Variants in MAD1L1 observed in about 807,000 individuals in gnomAD.
MAD1L1 encodes mitotic arrest deficient 1 like 1, also known as mitotic spindle assembly checkpoint protein MAD1.
A neutral mutation model predicts 96.9 loss-of-function variants in MAD1L1; 95 were observed. The observed-to-expected ratio is 0.98, with a 90% CI of 0.83 to 1.16. MAD1L1 has a LOEUF of 1.16. Among genes scored for constraint, MAD1L1 ranks in the 50% most tolerant of loss-of-function variants. The pLI is 0.00. For missense variants in MAD1L1, 1,007 were observed against 954.4 expected (o/e 1.06, Z -0.73); for synonymous variants, 473 against 396.6 (o/e 1.19, Z -2.29).
At chr7:1,922,973 G>A (rs765540828) in intron 17 of MAD1L1, among the ~76,000 whole-genome samples, 5 of 152,178 alleles carry the variant, frequency 3.3e-5, no homozygotes, top group Non-Finnish European at 7.3e-5. Flanking sequence ...AAATAGCCCC[G>A]CAGTGTTCTT....
intron 11 of MAD1L1, among the ~76,000 whole-genome samples, chr7:2,138,316 G>A (rs1014508177): frequency 6.6e-5 from 10 of 152,210 alleles, no homozygotes; most frequent in African/African-American, 1.9e-4. Flanking sequence ...TCCTGGCTGC[G>A]GCAGCGCTCA....
chr7:2,092,217 A>G (rs1002686317), intron 11 of MAD1L1, among the ~76,000 whole-genome samples: 1 of 152,276 alleles, frequency 6.6e-6, no homozygotes, highest in East Asian at 1.9e-4. Context: ...TGGTTGTACT[A>G]ATTTGCAATC....
chr7:1,919,584 CCAATGGGCTCAGGCCA>C (rs1252395187), intron 17 of MAD1L1, among the ~76,000 whole-genome samples: 1 of 152,252 alleles, frequency 6.6e-6, no homozygotes, highest in Admixed American at 6.5e-5. Flanking sequence ...GGCCCAGAGG[CCAATGGGCTCAGGCCA>C]CAGCCGCCAT....
chr7:1,841,831 C>T (rs997484431), intron 18 of MAD1L1, among the ~76,000 whole-genome samples: 3 of 152,352 alleles, frequency 2.0e-5, no homozygotes, highest in South Asian at 2.1e-4. Flanking sequence ...GCGGGTGCCT[C>T]GCTTCTGCCC....
At chr7:2,045,791 T>C (rs918525593) in intron 12 of MAD1L1, among the ~76,000 whole-genome samples, 7 of 152,160 alleles carry the variant, frequency 4.6e-5, no homozygotes, top group Admixed American at 3.9e-4. Context: ...GAGCCCAGCC[T>C]CAGCCAGACA....
At chr7:1,914,049 C>T (rs558041030) in intron 17 of MAD1L1, among the ~76,000 whole-genome samples, 16 of 152,314 alleles carry the variant, frequency 1.1e-4, no homozygotes, top group African/African-American at 3.8e-4. Context: ...TCCACCTCTC[C>T]TCTCCTGCAA....
chr7:1,944,643 G>C (rs1331128828), intron 16 of MAD1L1, among the ~76,000 whole-genome samples: 1 of 152,162 alleles, frequency 6.6e-6, no homozygotes, highest in African/African-American at 2.4e-5. Context: ...TGAGGCTGAA[G>C]GGGATCCCTG....
At position 1,980,369 on chromosome 7, in the gene MAD1L1, C is replaced by T. The variant is rs148765929; in HGVS notation, c.1505+84G>A. 105 of 1,131,258 alleles carry T rather than the reference C, an allele frequency of 9.3e-5. 3 individuals carry two copies. The African/African-American group carries it at 1.2e-3, about 13-fold the overall frequency. The allele number at this position is 1,131,258 out of a possible 1,614,324, so 70.1% of individuals were successfully genotyped here. Reference sequence around the variant, plus strand: ...ACACACCTGGGCGTATCTGCCTCCTCCCCCGCAGGACACACCTGGGCGTAT... The same window carrying T: ...ACACACCTGGGCGTATCTGCCTCCTTCCCCGCAGGACACACCTGGGCGTAT... On this transcript the variant is annotated intron_variant, in intron 15 of 18. Transcript: ENST00000265854.
At chr7:2,010,735 C>T (rs1467212270) in intron 13 of MAD1L1, among the ~76,000 whole-genome samples, 2 of 152,228 alleles carry the variant, frequency 1.3e-5, no homozygotes, top group African/African-American at 2.4e-5. Flanking sequence ...ACTCTCAGAG[C>T]GATGCTGCAT....
rs577462655 is a variant in MAD1L1, at chr7:2,048,074, C to T, written c.1218+21120G>A. Among the ~76,000 whole-genome samples the T allele has an allele frequency of 7.6e-4, 115 of 152,256 alleles. 1 individual carries two copies. Among genetic ancestry groups the T allele is most frequent in the African/African-American group, 2.6e-3 (107 of 41,534 alleles). On this transcript the variant is annotated intron_variant, in intron 12 of 18. Coordinates refer to ENST00000265854, the MANE Select transcript of MAD1L1 (RefSeq NM_001013836.2). ...AGCACTCAACACAGATATGCACACACGTCTCCTACACAGAGCTCATGCAGC... is the reference window on the plus strand; with the variant it reads ...AGCACTCAACACAGATATGCACACATGTCTCCTACACAGAGCTCATGCAGC...
intron 11 of MAD1L1, among the ~76,000 whole-genome samples, chr7:2,137,086 G>C (rs1788788226): frequency 6.6e-6 from 1 of 152,154 alleles, no homozygotes; most frequent in Non-Finnish European, 1.5e-5. Context: ...CTCCGCTGTG[G>C]GGTGTGGGCT....
At chr7:1,975,294 C>T (rs901930895) in intron 15 of MAD1L1, among the ~76,000 whole-genome samples, 2 of 152,356 alleles carry the variant, frequency 1.3e-5, no homozygotes, top group South Asian at 2.1e-4. Flanking sequence ...CCACCTGGGA[C>T]CATAGCATCT....
chr7:2,161,913 C>T (rs1365049893), intron 10 of MAD1L1, among the ~76,000 whole-genome samples: 6 of 147,742 alleles, frequency 4.1e-5, no homozygotes, highest in Admixed American at 3.3e-4. Flanking sequence ...CGCCCGCCAG[C>T]CAGCCCGTCC....
intron 11 of MAD1L1, among the ~76,000 whole-genome samples, chr7:2,138,148 C>A (rs17132239): frequency 0.097 from 14,784 of 152,290 alleles, 1,450 homozygotes; most frequent in African/African-American, 0.25. Context: ...CCTGAGACTG[C>A]TGTTACAAAG....
intron 13 of MAD1L1, among the ~76,000 whole-genome samples, chr7:2,006,574 C>A (rs1782038826): frequency 6.6e-6 from 1 of 151,350 alleles, no homozygotes; most frequent in African/African-American, 2.4e-5. Context: ...CATCACTAAA[C>A]CCGCACGGCC....
intron 12 of MAD1L1, among the ~76,000 whole-genome samples, chr7:2,054,635 C>A (rs1022234474): frequency 6.6e-6 from 1 of 152,194 alleles, no homozygotes; most frequent in African/African-American, 2.4e-5. Flanking sequence ...TATATTAACA[C>A]CTGGAAATTA....
At chr7:2,034,725 T>C (rs530708393) in intron 12 of MAD1L1, among the ~76,000 whole-genome samples, 2 of 152,336 alleles carry the variant, frequency 1.3e-5, no homozygotes, top group African/African-American at 4.8e-5. Context: ...GAGTGCTTAC[T>C]GGTTGGCTGA....
At chr7:2,108,180 G>A (rs898086395) in intron 11 of MAD1L1, among the ~76,000 whole-genome samples, 3 of 152,182 alleles carry the variant, frequency 2.0e-5, no homozygotes, top group South Asian at 2.1e-4. Context: ...AATGAATTCC[G>A]GTGGGATTCA....
chr7:1,898,159 G>C (rs200770561), intron 18 of MAD1L1, 41 bp downstream of exon 18: 1 of 1,557,788 alleles, frequency 6.4e-7, no homozygotes, highest in South Asian at 1.2e-5. Context: ...GGAGGAGACA[G>C]AGAGCGAGAC....
Sources: allele counts gnomAD v4.1 joint callset (sites outside exome capture counted in the v4.1 genomes callset), GRCh38; gene constraint gnomAD v4.1.1; transcripts MANE v1.5; gene names NCBI Gene and HGNC (gene_info 2026-07-23, HGNC 2026-07-21).